The following NCOR2 variants were observed in gnomAD, a reference collection of about 807,000 sequenced individuals.
NCOR2 encodes nuclear receptor corepressor 2.
Under a neutral mutation model 262.9 loss-of-function variants are expected in NCOR2, and 81 were observed. The observed-to-expected ratio is 0.31, with a 90% CI of 0.26 to 0.37. NCOR2 has a LOEUF of 0.37. Ranked by LOEUF, NCOR2 falls within the 10% of genes least tolerant of loss-of-function variation. The probability of loss-of-function intolerance (pLI) is 1.00; values close to 1 mark genes in which losing one functional copy is unlikely to be tolerated. For synonymous variants in NCOR2, 1,659 were observed against 1,559.3 expected (o/e 1.06, Z -1.51); for missense variants, 3,385 against 3,621.4 (o/e 0.93, Z 1.68).
At chr12:124,367,125 G>C (rs936025735) in intron 20 of NCOR2, among the ~76,000 whole-genome samples, 1 of 152,178 alleles carries the variant, frequency 6.6e-6, no homozygotes, top group Non-Finnish European at 1.5e-5. Context: ...CTGCCCGAGA[G>C]CTCGCGTTTT....
At chr12:124,409,492 A>C (rs2042449494) in intron 13 of NCOR2, among the ~76,000 whole-genome samples, 1 of 152,220 alleles carries the variant, frequency 6.6e-6, no homozygotes, top group Admixed American at 6.5e-5. Flanking sequence ...CCTCCTGCCC[A>C]GCAGTGGCCT....
At chr12:124,337,962 G>A (rs991225272) in intron 37 of NCOR2, among the ~76,000 whole-genome samples, 15 of 152,198 alleles carry the variant, frequency 9.9e-5, no homozygotes, top group Admixed American at 3.3e-4. Flanking sequence ...TTTTTGAATC[G>A]GCTGTCACGG....
chr12:124,368,017 C>T (rs1421835178), intron 20 of NCOR2, among the ~76,000 whole-genome samples: 1 of 152,184 alleles, frequency 6.6e-6, no homozygotes, highest in African/African-American at 2.4e-5. Context: ...CAGGGCCTGG[C>T]ACAGAGTATG....
chr12:124,359,260 G>A (rs977880639), intron 22 of NCOR2, among the ~76,000 whole-genome samples: 1 of 152,240 alleles, frequency 6.6e-6, no homozygotes, highest in Admixed American at 6.5e-5. Flanking sequence ...GGAGCCCTCT[G>A]GGTTCTGGGA....
chr12:124,466,853 A>G (rs571394650), intron 4 of NCOR2, among the ~76,000 whole-genome samples: 69 of 152,128 alleles, frequency 4.5e-4, no homozygotes, highest in African/African-American at 1.6e-3. Flanking sequence ...AATGGGGATA[A>G]AAGAGTTACT....
intron 13 of NCOR2, among the ~76,000 whole-genome samples, chr12:124,412,286 C>G (rs7309449): frequency 0.45 from 68,818 of 152,198 alleles, 17,259 homozygotes; most frequent in Non-Finnish European, 0.55. Context: ...CACATGGTGT[C>G]GGGGTGACAG....
chr12:124,408,955 C>T (rs1380041288), intron 13 of NCOR2, among the ~76,000 whole-genome samples: 1 of 152,152 alleles, frequency 6.6e-6, no homozygotes, highest in African/African-American at 2.4e-5. Context: ...TCAGCGGCAG[C>T]ACGTTGTCAC....
intron 13 of NCOR2, among the ~76,000 whole-genome samples, chr12:124,418,330 C>A (rs371059273): frequency 6.6e-6 from 1 of 152,194 alleles, no homozygotes; most frequent in East Asian, 1.9e-4. Flanking sequence ...ATGCTCCTGA[C>A]AACAGCCTCG....
At chr12:124,491,490 G>A (rs1207090875) in intron 1 of NCOR2, among the ~76,000 whole-genome samples, 3 of 152,180 alleles carry the variant, frequency 2.0e-5, no homozygotes, top group African/African-American at 4.8e-5. Context: ...CTCCAGAACC[G>A]GTGCTATGAA....
chr12:124,362,239 G>A, exon 22 of NCOR2: 1 of 1,316,306 alleles, frequency 7.6e-7, no homozygotes, highest in Non-Finnish European at 9.7e-7. Flanking sequence ...TGGGGCTGGG[G>A]GAGCTGGCTT....
At chr12:124,543,651 T>C (rs186555387) in intron 1 of NCOR2, among the ~76,000 whole-genome samples, 3 of 152,164 alleles carry the variant, frequency 2.0e-5, no homozygotes, top group African/African-American at 7.2e-5. Flanking sequence ...GCAGGAGCAA[T>C]TAGAGGCCAG....
chr12:124,425,027 C>A (rs770375798), intron 11 of NCOR2, among the ~76,000 whole-genome samples: 4 of 152,186 alleles, frequency 2.6e-5, no homozygotes, highest in Non-Finnish European at 4.4e-5. Context: ...CACATGCAGC[C>A]CAGGACGGCT....
exon 43 of NCOR2, chr12:124,332,405 G>A (rs1346563481): frequency 1.9e-6 from 3 of 1,614,106 alleles, no homozygotes; most frequent in African/African-American, 2.7e-5. Flanking sequence ...GTTGCTCTCG[G>A]TCAGCTTGCT....
intron 19 of NCOR2, 137 bp from the exon 22 acceptor site, chr12:124,372,747 G>A (rs1109270): frequency 0.096 from 71,619 of 742,620 alleles, 8,861 homozygotes; most frequent in East Asian, 0.6. Context: ...ACACACCTGG[G>A]CTGCTGCCTA....
intron 4 of NCOR2, among the ~76,000 whole-genome samples, chr12:124,469,600 A>T (rs945257994): frequency 1.3e-5 from 2 of 152,162 alleles, no homozygotes; most frequent in Admixed American, 6.5e-5. Flanking sequence ...CTGGGCCTGG[A>T]TTCAAGCCTG....
chr12:124,472,084 C>G (rs992676949), intron 4 of NCOR2, among the ~76,000 whole-genome samples: 1 of 152,082 alleles, frequency 6.6e-6, no homozygotes, highest in Non-Finnish European at 1.5e-5. Flanking sequence ...TGGCTGAACC[C>G]GGGATAGAGG....
At chr12:124,499,438 G>T (rs1269960689), upstream of NCOR2, among the ~76,000 whole-genome samples, 1 of 152,250 alleles carries the variant, frequency 6.6e-6, no homozygotes, top group African/African-American at 2.4e-5. Context: ...CAGGCCAGGG[G>T]CTCTGCCCAG....
intron 3 of NCOR2, among the ~76,000 whole-genome samples, chr12:124,479,397 A>G (rs865795006): frequency 6.6e-5 from 10 of 152,032 alleles, no homozygotes; most frequent in Non-Finnish European, 1.2e-4. Flanking sequence ...ACGCATGGAC[A>G]CACGCACGCA....
At chr12:124,489,484 C>T (rs921166913) in intron 1 of NCOR2, among the ~76,000 whole-genome samples, 13 of 152,152 alleles carry the variant, frequency 8.5e-5, no homozygotes, top group Admixed American at 5.2e-4. Context: ...GCTGAGCTGG[C>T]TTTCTGAGGA....
Sources: allele counts gnomAD v4.1 joint callset (sites outside exome capture counted in the v4.1 genomes callset), GRCh38; gene constraint gnomAD v4.1.1; transcripts MANE v1.5; gene names NCBI Gene and HGNC (gene_info 2026-07-23, HGNC 2026-07-21).